Variants in ATRNL1 observed in about 807,000 individuals in gnomAD.
ATRNL1 encodes attractin like 1.
ATRNL1 carries 95 observed loss-of-function variants against 182.7 expected under a neutral mutation model. That is an observed-to-expected ratio of 0.52 (90% confidence interval 0.44 to 0.62). The LOEUF is 0.62. Among genes scored for constraint, ATRNL1 ranks in the 20% least tolerant of loss-of-function variants. The pLI, the probability that ATRNL1 is intolerant of heterozygous loss-of-function variation, is 0.00. For synonymous variants in ATRNL1, 576 were observed against 568.3 expected, an observed-to-expected ratio of 1.01 and a Z score of -0.19; for missense variants, 1,471 against 1,679.5, an observed-to-expected ratio of 0.88 and a Z score of 2.17.
At chr10:115,743,826 G>A (rs1555068443) in intron 27 of ATRNL1, among the ~76,000 whole-genome samples, 4 of 151,324 alleles carry the variant, frequency 2.6e-5, no homozygotes. Context: ...CAGTAACTCA[G>A]ACTTAAAAAA....
intron 27 of ATRNL1, among the ~76,000 whole-genome samples, chr10:115,834,182 G>A (rs372153233): frequency 6.6e-6 from 1 of 152,126 alleles, no homozygotes; most frequent in African/African-American, 2.4e-5. Flanking sequence ...GCTCCCCACA[G>A]TAGGCCTGTG....
In ATRNL1 at chr10:115,876,450, A is replaced by G. The variant is rs782639073; in HGVS notation, c.4018+28459A>G. ...GATAACAACATGAAGATACCCACATACCTAGCAAAATGTAGGAACTTTATA... is the reference window on the plus strand; with the variant it reads ...GATAACAACATGAAGATACCCACATGCCTAGCAAAATGTAGGAACTTTATA... On this transcript the variant is annotated intron_variant, in intron 28 of 28. Transcript: ENST00000355044. Among the ~76,000 whole-genome samples, 6 of 152,310 alleles carry G rather than the reference A, an allele frequency of 3.9e-5. No individual in the cohort carries two copies. The East Asian group carries it at 1.2e-3, about 29-fold the overall frequency.
chr10:115,127,547 C>CT, intron 3 of ATRNL1, 46 bp from the exon 4 acceptor site: 3 of 1,483,488 alleles, frequency 2.0e-6, no homozygotes, highest in Non-Finnish European at 2.8e-6. Context: ...GCTTAACAGT[C>CT]TTATGTATAT....
chr10:115,630,111 G>A (rs1457981403), intron 26 of ATRNL1, among the ~76,000 whole-genome samples: 4 of 151,912 alleles, frequency 2.6e-5, no homozygotes, highest in African/African-American at 4.8e-5. Context: ...GACCAGTGTC[G>A]AGGAGCTGTT....
intron 21 of ATRNL1, among the ~76,000 whole-genome samples, chr10:115,445,396 A>C (rs1384815270): frequency 4.7e-5 from 6 of 126,416 alleles, no homozygotes; most frequent in Admixed American, 2.0e-4. Context: ...GTGCCACTGC[A>C]CTCCAGCCTG....
At chr10:115,450,856 C>T (rs113614885) in intron 21 of ATRNL1, among the ~76,000 whole-genome samples, 2,470 of 152,228 alleles carry the variant, frequency 0.016, 61 homozygotes, top group African/African-American at 0.054. Context: ...GGAGGCTTCA[C>T]GTTACCCAGC....
At chr10:115,537,139 G>C (rs1554990697) in intron 25 of ATRNL1, among the ~76,000 whole-genome samples, 1 of 152,156 alleles carries the variant, frequency 6.6e-6, no homozygotes, top group African/African-American at 2.4e-5. Flanking sequence ...GGACCTAACT[G>C]TTCTTGTAAA....
At chr10:115,223,204 C>A (rs1178246769) in intron 9 of ATRNL1, among the ~76,000 whole-genome samples, 1 of 152,130 alleles carries the variant, frequency 6.6e-6, no homozygotes, top group Non-Finnish European at 1.5e-5. Flanking sequence ...TCACTTGTAC[C>A]CGGGAGGCAG....
chr10:115,819,528 G>C (rs1950243919), intron 27 of ATRNL1, among the ~76,000 whole-genome samples: 1 of 151,978 alleles, frequency 6.6e-6, no homozygotes, highest in Admixed American at 6.6e-5. Context: ...TGATCCCCTA[G>C]TCCTGCAAAT....
intron 26 of ATRNL1, among the ~76,000 whole-genome samples, chr10:115,600,940 T>C: frequency 6.6e-6 from 1 of 150,904 alleles, no homozygotes; most frequent in Admixed American, 6.6e-5. Context: ...TTTTTTTTTT[T>C]TTTTTTTGCC....
At chr10:115,401,409 A>G (rs985733083) in intron 20 of ATRNL1, among the ~76,000 whole-genome samples, 20 of 152,126 alleles carry the variant, frequency 1.3e-4, no homozygotes, top group African/African-American at 4.3e-4. Context: ...AGAGAAAGAA[A>G]CCCTTGAAAC....
At chr10:115,752,340 G>A (rs1555070819) in intron 27 of ATRNL1, among the ~76,000 whole-genome samples, 1 of 151,966 alleles carries the variant, frequency 6.6e-6, no homozygotes, top group Admixed American at 6.6e-5. Context: ...GAAAGATTTT[G>A]CGCTCATTCA....
intron 26 of ATRNL1, among the ~76,000 whole-genome samples, chr10:115,645,309 A>C (rs781880135): frequency 6.6e-6 from 1 of 151,296 alleles, no homozygotes; most frequent in Admixed American, 6.6e-5. Flanking sequence ...CTCTTCATCT[A>C]AATACATTGT....
At chr10:115,647,076 T>C (rs1294007127) in intron 26 of ATRNL1, among the ~76,000 whole-genome samples, 18 of 151,632 alleles carry the variant, frequency 1.2e-4, no homozygotes, top group African/African-American at 4.1e-4. Flanking sequence ...CTTGCGATAG[T>C]TTGCTCAGAA....
intron 26 of ATRNL1, among the ~76,000 whole-genome samples, chr10:115,704,052 A>C (rs1293852949): frequency 6.6e-6 from 1 of 152,004 alleles, no homozygotes; most frequent in African/African-American, 2.4e-5. Context: ...AAAGACAGTC[A>C]GTTTTCACTT....
intron 5 of ATRNL1, among the ~76,000 whole-genome samples, chr10:115,158,747 C>CT (rs1846640753): frequency 1.3e-5 from 2 of 151,860 alleles, no homozygotes; most frequent in African/African-American, 2.4e-5. Context: ...TATTAAATGA[C>CT]AATCTAAAAC....
chr10:115,428,578 A>C (rs1250617278), intron 21 of ATRNL1, among the ~76,000 whole-genome samples: 5 of 151,984 alleles, frequency 3.3e-5, no homozygotes, highest in African/African-American at 1.2e-4. Context: ...TTTGCTGTAC[A>C]TTTTTTATCA....
intron 27 of ATRNL1, among the ~76,000 whole-genome samples, chr10:115,817,905 G>A (rs1222285835): frequency 9.4e-6 from 1 of 106,112 alleles, no homozygotes; most frequent in Admixed American, 9.7e-5. Context: ...CTGTTTTAAT[G>A]TTTAGTCACA....
intron 21 of ATRNL1, among the ~76,000 whole-genome samples, chr10:115,429,648 T>C (rs782682633): frequency 6.6e-5 from 10 of 152,210 alleles, no homozygotes; most frequent in Non-Finnish European, 1.2e-4. Flanking sequence ...GGCATATTAG[T>C]ATTTGGATAC....
Sources: allele counts gnomAD v4.1 joint callset (sites outside exome capture counted in the v4.1 genomes callset), GRCh38; gene constraint gnomAD v4.1.1; transcripts MANE v1.5; gene names NCBI Gene and HGNC (gene_info 2026-07-23, HGNC 2026-07-21).